Variants in SLIT3 observed in about 807,000 individuals in gnomAD.
SLIT3 encodes slit guidance ligand 3.
A neutral mutation model predicts 184.0 loss-of-function variants in SLIT3; 68 were observed. The ratio of observed to expected loss-of-function variants is 0.37; its 90% CI spans 0.30 to 0.45. The LOEUF is 0.45. Among genes scored for constraint, SLIT3 ranks in the 20% least tolerant of loss-of-function variants. The pLI is 1.00. For synonymous variants in SLIT3, 831 were observed against 828.6 expected (o/e 1.00, Z -0.05); for missense variants, 1,707 against 2,026.0 (o/e 0.84, Z 3.02).
chr5:169,183,166 G>A (rs1455908534), intron 4 of SLIT3, among the ~76,000 whole-genome samples: 2 of 152,240 alleles, frequency 1.3e-5, no homozygotes, highest in African/African-American at 4.8e-5. Flanking sequence ...CAATACTTTA[G>A]TTGTCCCTGG....
rs201618077 is a variant in SLIT3, at chr5:168,817,445, G to A, written c.648C>T (p.His216=). The A allele has an allele frequency of 1.7e-4, 267 of 1,614,092 alleles. 1 individual carries two copies. Among genetic ancestry groups the A allele is most frequent in the Non-Finnish European group, 2.1e-4 (253 of 1,180,046 alleles). ...AGGCCAGGTGGCAGTCGCAGTACAGGTGGTTGGAGTGGAGGCGCCTGGGAG... is the reference window on the plus strand; with the variant it reads ...AGGCCAGGTGGCAGTCGCAGTACAGATGGTTGGAGTGGAGGCGCCTGGGAG... ...KIRTLRLHSN[H]LYCDCHLAWL... is the part of the protein sequence containing the mutation. The change falls in exon 8 of 36, where the codon CAC becomes CAT. Residue 216 remains histidine, a synonymous_variant. Coordinates refer to ENST00000519560, the MANE Select transcript of SLIT3 (RefSeq NM_003062.4).
intron 4 of SLIT3, among the ~76,000 whole-genome samples, chr5:168,962,551 A>C (rs1763054401): frequency 6.6e-6 from 1 of 151,708 alleles, no homozygotes; most frequent in South Asian, 2.1e-4. Context: ...GAAGTAGAAG[A>C]AAGAAAAGAA....
intron 32 of SLIT3, among the ~76,000 whole-genome samples, chr5:168,680,396 A>G (rs1455400024): frequency 6.6e-6 from 1 of 152,242 alleles, no homozygotes; most frequent in Admixed American, 6.5e-5. Context: ...GTGCAGATGA[A>G]CAACATCAGG....
At chr5:168,943,699 ACTCT>A (rs1440990690) in intron 4 of SLIT3, among the ~76,000 whole-genome samples, 5 of 152,212 alleles carry the variant, frequency 3.3e-5, no homozygotes, top group East Asian at 1.9e-4. Flanking sequence ...GTGAACACAC[ACTCT>A]CTCTATATGT....
intron 4 of SLIT3, among the ~76,000 whole-genome samples, chr5:169,180,892 G>A (rs989586194): frequency 1.3e-5 from 2 of 152,170 alleles, no homozygotes; most frequent in African/African-American, 4.8e-5. Flanking sequence ...GGTTGGCAAT[G>A]GTCTGTTCTG....
At chr5:169,230,919 G>A (rs1340457301) in intron 3 of SLIT3, among the ~76,000 whole-genome samples, 1 of 152,022 alleles carries the variant, frequency 6.6e-6, no homozygotes, top group Admixed American at 6.6e-5. Flanking sequence ...AATATATTTT[G>A]AGTATCCCTA....
intron 4 of SLIT3, among the ~76,000 whole-genome samples, chr5:169,160,718 A>G: frequency 6.6e-6 from 1 of 152,096 alleles, no homozygotes; most frequent in East Asian, 1.9e-4. Context: ...CTGGGCACTG[A>G]GCTCGTTTAC....
chr5:168,671,820 C>T (rs1761258339), intron 33 of SLIT3, among the ~76,000 whole-genome samples: 1 of 152,116 alleles, frequency 6.6e-6, no homozygotes, highest in Non-Finnish European at 1.5e-5. Flanking sequence ...GGAGACCGTT[C>T]CCCCCAATAG....
At chr5:169,197,760 C>A (rs934566200) in intron 3 of SLIT3, among the ~76,000 whole-genome samples, 4 of 152,212 alleles carry the variant, frequency 2.6e-5, no homozygotes, top group African/African-American at 7.2e-5. Flanking sequence ...CCCTCTCCCA[C>A]TAAGATCAAA....
intron 4 of SLIT3, among the ~76,000 whole-genome samples, chr5:168,984,060 TA>T (rs1350655757): frequency 1.4e-5 from 2 of 147,848 alleles, no homozygotes; most frequent in Admixed American, 1.3e-4. Context: ...AAAATATATA[TA>T]TATTTTTTTT....
At chr5:168,828,483 T>A (rs540574570) in intron 6 of SLIT3, among the ~76,000 whole-genome samples, 1 of 150,646 alleles carries the variant, frequency 6.6e-6, no homozygotes, top group South Asian at 2.1e-4. Flanking sequence ...AAATGAAAAA[T>A]AAAATAAATA....
chr5:169,077,471 G>C (rs1035444198), intron 4 of SLIT3, among the ~76,000 whole-genome samples: 1 of 151,348 alleles, frequency 6.6e-6, no homozygotes, highest in African/African-American at 2.4e-5. Flanking sequence ...CTCAGAGGGC[G>C]GAGGTTGCAG....
At chr5:168,772,724 T>C in intron 14 of SLIT3, 57 bp downstream of exon 14, 2 of 1,601,254 alleles carry the variant, frequency 1.2e-6, no homozygotes, top group African/African-American at 1.3e-5. Flanking sequence ...TATTGGCCTC[T>C]CTGGGGCTGC....
chr5:169,201,614 G>A (rs1379585346), intron 3 of SLIT3, among the ~76,000 whole-genome samples: 2 of 152,158 alleles, frequency 1.3e-5, no homozygotes, highest in African/African-American at 4.8e-5. Context: ...AATAACAAAT[G>A]AACTCCAAAA....
chr5:168,823,648 A>G (rs116299945), intron 6 of SLIT3, among the ~76,000 whole-genome samples: 2,088 of 152,292 alleles, frequency 0.014, 19 homozygotes, highest in Middle Eastern at 0.078. Context: ...TAATTCTTAC[A>G]TCTACAATGC....
chr5:168,859,008 G>A (rs1283881882), intron 5 of SLIT3, among the ~76,000 whole-genome samples: 2 of 152,228 alleles, frequency 1.3e-5, no homozygotes, highest in African/African-American at 4.8e-5. Context: ...TGCAACATGA[G>A]TGATGCTATC....
In SLIT3 at chr5:168,696,153, C is replaced by T. The variant is rs1396603076; in HGVS notation, c.3082+139G>A. ...GAAGCAAACAGGCCTTTGGGGAGCC[C>T]CTCTTGGCATATCACAGTCTTGGGG... On this transcript the variant is annotated intron_variant, in intron 28 of 35. Transcript: ENST00000519560. 26 of 1,058,044 alleles carry T rather than the reference C, an allele frequency of 2.5e-5. No individual in the cohort carries two copies. The East Asian group carries it at 6.3e-4, about 25-fold the overall frequency. The allele number at this position is 1,058,044 out of a possible 1,614,324, so 65.5% of individuals were successfully genotyped here. A position where few individuals can be genotyped will look rare whatever the true frequency, so the allele number is the denominator to read the frequency against.
chr5:169,148,189 T>C (rs1761993974), intron 4 of SLIT3, among the ~76,000 whole-genome samples: 1 of 152,180 alleles, frequency 6.6e-6, no homozygotes, highest in Non-Finnish European at 1.5e-5. Flanking sequence ...GTCAGAATTG[T>C]TCACGTTTGT....
At chr5:168,955,096 G>A (rs979496393) in intron 4 of SLIT3, among the ~76,000 whole-genome samples, 1 of 149,852 alleles carries the variant, frequency 6.7e-6, no homozygotes, top group South Asian at 2.1e-4. Context: ...GTTGGGGGGT[G>A]GTGGGGGTGG....
Sources: gnomAD v4.1 joint callset for allele counts (sites outside exome capture counted in the v4.1 genomes callset) on GRCh38, gnomAD v4.1.1 for gene constraint, MANE v1.5 for transcripts, NCBI Gene and HGNC (gene_info 2026-07-23, HGNC 2026-07-21) for gene names.